The following KCNIP1 variants were observed in gnomAD, a reference collection of about 807,000 sequenced individuals.
The protein encoded by KCNIP1 is potassium voltage-gated channel interacting protein 1.
In KCNIP1, 18 loss-of-function variants were observed where a neutral mutation model predicts 33.0. The ratio of observed to expected loss-of-function variants is 0.55; its 90% CI spans 0.38 to 0.81. The LOEUF is 0.81. Among genes scored for constraint, KCNIP1 ranks in the 30% least tolerant of loss-of-function variants. KCNIP1 has a pLI of 0.00. For missense variants in KCNIP1, 238 were observed against 271.6 expected, an observed-to-expected ratio of 0.88 and a Z score of 0.87; for synonymous variants, 93 against 98.3, an observed-to-expected ratio of 0.95 and a Z score of 0.32.
chr5:170,480,983 T>C (rs1013255197), intron 1 of KCNIP1, among the ~76,000 whole-genome samples: 2 of 152,170 alleles, frequency 1.3e-5, no homozygotes, highest in Non-Finnish European at 2.9e-5. Flanking sequence ...ATATCACCCA[T>C]ATATAAATCT....
chr5:170,713,735 C>T (rs901025925), intron 1 of KCNIP1, among the ~76,000 whole-genome samples: 3 of 152,116 alleles, frequency 2.0e-5, no homozygotes, highest in Admixed American at 6.5e-5. Context: ...CAAAGCTAGA[C>T]GGATGGCCGG....
intron 1 of KCNIP1, among the ~76,000 whole-genome samples, chr5:170,513,859 G>GGGGTCTAGT (rs1450776712): frequency 1.3e-5 from 2 of 152,210 alleles, no homozygotes; most frequent in Non-Finnish European, 2.9e-5. Context: ...CCTTTTCCAG[G>GGGGTCTAGT]GGGTCTAGTA....
At chr5:170,400,867 G>A (rs1419737758) in intron 1 of KCNIP1, among the ~76,000 whole-genome samples, 1 of 152,254 alleles carries the variant, frequency 6.6e-6, no homozygotes, top group Non-Finnish European at 1.5e-5. Flanking sequence ...ATAGCCACTA[G>A]CTACCTATGG....
chr5:170,681,895 T>A (rs971494440), intron 1 of KCNIP1, among the ~76,000 whole-genome samples: 1 of 152,252 alleles, frequency 6.6e-6, no homozygotes, highest in Non-Finnish European at 1.5e-5. Context: ...GTCTAGATGA[T>A]TTTTGTCACT....
intron 1 of KCNIP1, among the ~76,000 whole-genome samples, chr5:170,685,874 G>T (rs1460012579): frequency 6.6e-6 from 1 of 152,228 alleles, no homozygotes; most frequent in Admixed American, 6.5e-5. Context: ...ACTGCATTTA[G>T]CTGGCTTGAA....
chr5:170,588,932 G>A (rs1170473779), intron 1 of KCNIP1, among the ~76,000 whole-genome samples: 2 of 151,910 alleles, frequency 1.3e-5, no homozygotes, highest in Admixed American at 6.6e-5. Context: ...CTGATGAAAT[G>A]GGTGTAATAA....
intron 1 of KCNIP1, among the ~76,000 whole-genome samples, chr5:170,467,317 G>C (rs1276427048): frequency 6.6e-6 from 1 of 152,146 alleles, no homozygotes; most frequent in Non-Finnish European, 1.5e-5. Context: ...CAAGCTGAGA[G>C]GAAACAATTA....
intron 1 of KCNIP1, among the ~76,000 whole-genome samples, chr5:170,410,101 C>T (rs548113692): frequency 1.3e-5 from 2 of 152,382 alleles, no homozygotes; most frequent in Non-Finnish European, 2.9e-5. Context: ...CATCAGAGTG[C>T]TGTGAGCCCC....
intron 1 of KCNIP1, among the ~76,000 whole-genome samples, chr5:170,394,087 C>T (rs1377241736): frequency 6.6e-6 from 1 of 152,204 alleles, no homozygotes; most frequent in Non-Finnish European, 1.5e-5. Context: ...GCCTTTTCAA[C>T]ACACATAAAG....
chr5:170,559,425 T>G (rs997183824), intron 1 of KCNIP1, among the ~76,000 whole-genome samples: 1 of 152,188 alleles, frequency 6.6e-6, no homozygotes, highest in Non-Finnish European at 1.5e-5. Context: ...TTCTTCAAAC[T>G]TTGTAACTTC....
intron 1 of KCNIP1, among the ~76,000 whole-genome samples, chr5:170,597,784 A>AATAGATAT (rs1433551163): frequency 4.5e-5 from 6 of 134,482 alleles, no homozygotes; most frequent in African/African-American, 1.8e-4. Context: ...GAGAGAGATA[A>AATAGATAT]ATATATATAT....
intron 1 of KCNIP1, among the ~76,000 whole-genome samples, chr5:170,570,765 G>GA (rs1757379765): frequency 6.6e-6 from 1 of 152,256 alleles, no homozygotes; most frequent in African/African-American, 2.4e-5. Flanking sequence ...CACCGAACAG[G>GA]AGATGCCTCC....
intron 1 of KCNIP1, among the ~76,000 whole-genome samples, chr5:170,527,148 C>T (rs1439065277): frequency 6.6e-6 from 1 of 152,200 alleles, no homozygotes; most frequent in African/African-American, 2.4e-5. Context: ...CCAAAACTCC[C>T]TTGCTCCTAA....
intron 1 of KCNIP1, among the ~76,000 whole-genome samples, chr5:170,710,107 A>AT (rs1763394474): frequency 6.6e-6 from 1 of 152,114 alleles, no homozygotes; most frequent in Admixed American, 6.6e-5. Context: ...ACCTCAAGTG[A>AT]TCCCCCGCCT....
chr5:170,681,119 G>T (rs1005271042), intron 1 of KCNIP1: 2 of 399,174 alleles, frequency 5.0e-6, no homozygotes, highest in Non-Finnish European at 8.8e-6. Flanking sequence ...GAATAGTGGT[G>T]GTCGTGTGCT....
At chr5:170,728,394 C>T (rs1208978691) in intron 5 of KCNIP1, among the ~76,000 whole-genome samples, 4 of 152,144 alleles carry the variant, frequency 2.6e-5, no homozygotes, top group African/African-American at 9.7e-5. Context: ...AAAATTACAA[C>T]ATTCCTTGTT....
chr5:170,580,151 C>T (rs1272392443), intron 1 of KCNIP1, among the ~76,000 whole-genome samples: 2 of 152,122 alleles, frequency 1.3e-5, no homozygotes, highest in African/African-American at 2.4e-5. Flanking sequence ...CTTCTACCTC[C>T]ACCCACTGGT....
chr5:170,708,940 C>T (rs1642311624), intron 1 of KCNIP1, among the ~76,000 whole-genome samples: 1 of 152,150 alleles, frequency 6.6e-6, no homozygotes. Context: ...GCTTGATTTC[C>T]AAATGTTTTT....
intron 1 of KCNIP1, among the ~76,000 whole-genome samples, chr5:170,363,057 C>T (rs1763557734): frequency 6.6e-6 from 1 of 152,230 alleles, no homozygotes; most frequent in South Asian, 2.1e-4. Flanking sequence ...GGGCCATCGC[C>T]ATCCTCTGTT....
Sources: gnomAD v4.1 joint callset for allele counts (sites outside exome capture counted in the v4.1 genomes callset) on GRCh38, gnomAD v4.1.1 for gene constraint, MANE v1.5 for transcripts, NCBI Gene and HGNC (gene_info 2026-07-23, HGNC 2026-07-21) for gene names.